Variants in CEACAM1 observed in about 807,000 individuals in gnomAD.
CEACAM1 encodes the protein cell adhesion molecule CEACAM1.
CEACAM1 carries 31 observed loss-of-function variants against 49.1 expected under a neutral mutation model. That is an observed-to-expected ratio of 0.63 (90% confidence interval 0.47 to 0.85). The LOEUF is 0.85. Among genes scored for constraint, CEACAM1 ranks in the 40% least tolerant of loss-of-function variants. The pLI, the probability that CEACAM1 is intolerant of heterozygous loss-of-function variation, is 0.00. For synonymous variants in CEACAM1, 244 were observed against 247.8 expected, an observed-to-expected ratio of 0.98 and a Z score of 0.14; for missense variants, 570 against 645.3, an observed-to-expected ratio of 0.88 and a Z score of 1.26.
chr19:42,511,105 A>T, intron 7 of CEACAM1, 185 bp from the exon 8 acceptor site: 3 of 620,922 alleles, frequency 4.8e-6, no homozygotes, highest in South Asian at 3.8e-5. Context: ...GGGCAGAACC[A>T]CAGGAGGCCA....
At chr19:42,520,969 C>G in intron 4 of CEACAM1, 2 of 383,268 alleles carry the variant, frequency 5.2e-6, no homozygotes, top group East Asian at 8.8e-5. Flanking sequence ...AGCAAATTGA[C>G]CTTGAGGACC....
At chr19:42,514,799 G>A (rs554487445) in intron 5 of CEACAM1, among the ~76,000 whole-genome samples, 1 of 152,140 alleles carries the variant, frequency 6.6e-6, no homozygotes, top group Admixed American at 6.5e-5. Flanking sequence ...GCTTAGAGTG[G>A]TAAAAGGCTT....
At chr19:42,518,333 G>C (rs1407062989) in intron 5 of CEACAM1, among the ~76,000 whole-genome samples, 1 of 152,002 alleles carries the variant, frequency 6.6e-6, no homozygotes, top group African/African-American at 2.4e-5. Flanking sequence ...AGGATTGCTT[G>C]AACCCAGGGG....
rs2041908709 is a variant in CEACAM1, at chr19:42,527,025, A to G, written c.424+16T>C. The G allele has an allele frequency of 4.4e-6, 7 of 1,584,056 alleles. No homozygotes were observed. In the East Asian group the frequency reaches 1.6e-4, roughly 35 times the overall value. On this transcript the variant is annotated intron_variant, in intron 2 of 8. Coordinates refer to ENST00000161559, the MANE Select transcript of CEACAM1 (RefSeq NM_001712.5). ...ACTAACCCCCCAACACCCAGAGGTC[A>G]TGGGGAAATACTCACGGTATACATG...
At position 42,512,223 on chromosome 19, in the gene CEACAM1, C is replaced by G. The variant is rs1476954988; in HGVS notation, c.1376+127G>C. On this transcript the variant is annotated intron_variant, in intron 6 of 8. Transcript: ENST00000161559. The stretch of plus-strand genomic sequence containing the variant: ...AGAGGAAACCTGTGGGAATTAGTGC[C>G]GAGAAGCAGGAGTTTAGTGGGAGGA... The G allele has an allele frequency of 9.3e-6, 10 of 1,079,784 alleles. No individual in the cohort carries two copies. The East Asian group carries it at 2.2e-4, about 24-fold the overall frequency. 66.9% of individuals were successfully genotyped at this position (1,079,784 alleles called of 1,614,324 possible).
At chr19:42,525,260 T>G (rs2041862913) in intron 2 of CEACAM1, among the ~76,000 whole-genome samples, 1 of 149,360 alleles carries the variant, frequency 6.7e-6, no homozygotes, top group Non-Finnish European at 1.5e-5. Flanking sequence ...AGTCTCACTC[T>G]GTCTCCCAGG....
rs1441519503 is a variant in CEACAM1, at chr19:42,507,561, T to C, written c.*1548A>G. 5 of 152,214 alleles carry C rather than the reference T, an allele frequency of 3.3e-5. No individual in the cohort carries two copies. In the East Asian group the frequency reaches 9.6e-4, roughly 29 times the overall value. 9.4% of individuals were successfully genotyped at this position (152,214 alleles called of 1,614,324 possible). A position where few individuals can be genotyped will look rare whatever the true frequency, so the allele number is the denominator to read the frequency against. On this transcript the variant is annotated 3_prime_UTR_variant, in exon 9 of 9. Coordinates refer to ENST00000161559, the MANE Select transcript of CEACAM1 (RefSeq NM_001712.5). Reference sequence around the variant, plus strand: ...GCAATATAGAATAAAACCTTTCTCTTAGCCCCAAAGAGATTCCATCTGTGT... The same window carrying C: ...GCAATATAGAATAAAACCTTTCTCTCAGCCCCAAAGAGATTCCATCTGTGT...
chr19:42,514,658 A>G (rs1417847281), intron 5 of CEACAM1, among the ~76,000 whole-genome samples: 2 of 152,206 alleles, frequency 1.3e-5, no homozygotes, highest in Non-Finnish European at 2.9e-5. Context: ...ATGCTATGTT[A>G]GCTACTTTTG....
intron 4 of CEACAM1, 53 bp from the exon 5 acceptor site, chr19:42,519,288 T>C (rs1332646671): frequency 6.4e-7 from 1 of 1,573,062 alleles, no homozygotes; most frequent in African/African-American, 1.3e-5. Flanking sequence ...GGTTGGGGCC[T>C]GGGGCCTAGG....
Position 42,512,459 on chromosome 19 carries a change from T to A in CEACAM1, c.1267A>T (p.Asn423Tyr). The change falls in exon 6 of 9, where the codon AAT becomes TAT. Residue 423 changes from asparagine to tyrosine, a missense_variant. Transcript: ENST00000161559. ...NVNYNALPQE[N>Y]GLSPGAIAGI... is the part of the protein sequence containing the mutation. ...GCAATGGCCCCAGGTGAGAGGCCAT[T>A]TTCTTGTGGTAGAGCATTATCTGTC... is the stretch of plus-strand genomic sequence containing the variant. 6.2e-7 allele frequency: 1 copy of A among 1,614,098 alleles called. No homozygotes were observed. Among genetic ancestry groups the A allele is most frequent in the Non-Finnish European group, 8.5e-7 (1 of 1,179,958 alleles).
intron 3 of CEACAM1, among the ~76,000 whole-genome samples, 161 bp from the exon 4 acceptor site, chr19:42,521,682 T>C (rs558465619): frequency 8.5e-5 from 13 of 152,338 alleles, no homozygotes; most frequent in African/African-American, 3.1e-4. Flanking sequence ...GACATTCACC[T>C]GTTTCTCCCA....
intron 1 of CEACAM1, among the ~76,000 whole-genome samples, 168 bp downstream of exon 1, chr19:42,528,143 G>A (rs930346135): frequency 3.9e-5 from 6 of 152,196 alleles, no homozygotes; most frequent in Non-Finnish European, 7.3e-5. Flanking sequence ...AACAGTTTCA[G>A]ATCACTGAGA....
intron 4 of CEACAM1, among the ~76,000 whole-genome samples, chr19:42,520,002 T>A (rs78514177): frequency 1.3e-5 from 2 of 152,248 alleles, no homozygotes; most frequent in Non-Finnish European, 2.9e-5. Flanking sequence ...CCAGTCTTCA[T>A]GACCTTACTA....
At chr19:42,519,267 A>G (rs2041680119) in intron 4 of CEACAM1, 32 bp from the exon 5 acceptor site, 2 of 1,610,086 alleles carry the variant, frequency 1.2e-6, no homozygotes, top group African/African-American at 1.3e-5. Flanking sequence ...GAGATAACCT[A>G]CTGAGAATAG....
intron 5 of CEACAM1, among the ~76,000 whole-genome samples, chr19:42,513,788 C>G (rs188074587): frequency 2.0e-5 from 3 of 146,564 alleles, no homozygotes; most frequent in African/African-American, 5.1e-5. Flanking sequence ...TAGATGGAAA[C>G]TAACATACCA....
rs773342137 is a variant in CEACAM1, at chr19:42,527,314, C to T, written c.151G>A (p.Val51Ile). 10 of 1,614,100 alleles carry T rather than the reference C, an allele frequency of 6.2e-6. No individual in the cohort carries two copies. The highest frequency in any genetic ancestry group is 8.5e-6 in the Non-Finnish European group (10 of 1,179,988). ...MPFNVAEGKE[V>I]LLLVHNLPQQ... is the part of the protein sequence containing the mutation. Reference sequence around the variant, plus strand: ...GGCAGATTGTGGACAAGGAGAAGAACCTCCTTCCCCTCTGCAACATTGAAT... The same window carrying T: ...GGCAGATTGTGGACAAGGAGAAGAATCTCCTTCCCCTCTGCAACATTGAAT... The change falls in exon 2 of 9, where the codon GTT becomes ATT. Residue 51 changes from valine (V) to isoleucine (I), a missense_variant. Coordinates refer to ENST00000161559, the MANE Select transcript of CEACAM1 (RefSeq NM_001712.5).
In CEACAM1 at chr19:42,509,031, C is replaced by T. The variant is rs1600206876; in HGVS notation, c.*78G>A. ...TTCTGTCCCCACCCCTCTACCCCTACAGGGGAAAGGAATCTCCTAGTGATG... is the reference window on the plus strand; with the variant it reads ...TTCTGTCCCCACCCCTCTACCCCTATAGGGGAAAGGAATCTCCTAGTGATG... On this transcript the variant is annotated 3_prime_UTR_variant, in exon 9 of 9. Transcript: ENST00000161559. 1 of 1,569,990 alleles carries T rather than the reference C, an allele frequency of 6.4e-7. No homozygotes were observed. Among genetic ancestry groups the T allele is most frequent in the South Asian group, 1.1e-5 (1 of 89,250 alleles).
At chr19:42,521,563 G>A in intron 3 of CEACAM1, 42 bp from the exon 4 acceptor site, 1 of 1,594,842 alleles carries the variant, frequency 6.3e-7, no homozygotes, top group Non-Finnish European at 8.6e-7. Context: ...GTCATCAGAG[G>A]GAAGGGGAAG....
rs1349549813 is a variant in CEACAM1 at position 42,517,325 on chromosome 19, T to A, written c.1246+1623A>T. On this transcript the variant is annotated intron_variant, in intron 5 of 8. Transcript: ENST00000161559. ...GCAACGAAAGAAGAAGTAGAGAAAT[T>A]GGACTTAATGAAAATTAAAAGCTTT... is the stretch of plus-strand genomic sequence containing the variant. Among the ~76,000 whole-genome samples, 4 of 152,214 alleles carry A rather than the reference T, an allele frequency of 2.6e-5. No homozygotes were observed. In the East Asian group the frequency reaches 7.7e-4, roughly 29 times the overall value.
Sources: allele counts gnomAD v4.1 joint callset (sites outside exome capture counted in the v4.1 genomes callset), GRCh38; gene constraint gnomAD v4.1.1; transcripts MANE v1.5; gene names NCBI Gene and HGNC (gene_info 2026-07-23, HGNC 2026-07-21).